ATOSA: variants seen among roughly 807,000 people sequenced by gnomAD.
ATOSA encodes atos homolog protein A.
At chr15:52,646,021 T>C in the ATOSA span, among the ~76,000 whole-genome samples, 1 of 152,240 alleles carries the variant, frequency 6.6e-6, no homozygotes, top group Non-Finnish European at 1.5e-5. Flanking sequence ...AAAATTATCC[T>C]TAAACTTAAC....
At chr15:52,650,842 C>A in the ATOSA span, among the ~76,000 whole-genome samples, 7 of 152,118 alleles carry the variant, frequency 4.6e-5, no homozygotes, top group Non-Finnish European at 8.8e-5. Flanking sequence ...ACGGATCCTT[C>A]GTAAAATGGG....
chr15:52,704,675 C>A, the ATOSA span, among the ~76,000 whole-genome samples: 1,704 of 152,164 alleles, frequency 0.011, 14 homozygotes, highest in Non-Finnish European at 0.017. Context: ...AAACAAAAAA[C>A]CCCATCAAAA....
At chr15:52,696,748 T>A in the ATOSA span, among the ~76,000 whole-genome samples, 1 of 152,122 alleles carries the variant, frequency 6.6e-6, no homozygotes, top group Admixed American at 6.5e-5. Context: ...TAGATTTTTT[T>A]AAATGTGCTA....
the ATOSA span, among the ~76,000 whole-genome samples, chr15:52,704,481 G>A: frequency 6.6e-6 from 1 of 152,226 alleles, no homozygotes; most frequent in East Asian, 1.9e-4. Context: ...AAAAGCAATG[G>A]CAACAAAACC....
chr15:52,706,985 C>CT, the ATOSA span, among the ~76,000 whole-genome samples: 1 of 152,154 alleles, frequency 6.6e-6, no homozygotes, highest in Non-Finnish European at 1.5e-5. Context: ...CTATACAACT[C>CT]TGACTATACT....
At chr15:52,604,808 C>G in the ATOSA span, among the ~76,000 whole-genome samples, 2 of 152,100 alleles carry the variant, frequency 1.3e-5, no homozygotes, top group Non-Finnish European at 2.9e-5. Flanking sequence ...ATAGTTTTAA[C>G]TTGCAGATGA....
the ATOSA span, chr15:52,587,497 C>T: frequency 4.3e-6 from 1 of 232,064 alleles, no homozygotes; most frequent in Non-Finnish European, 8.3e-6. Flanking sequence ...AAGTTCCTAA[C>T]TAAAAAGGAA....
chr15:52,597,392 G>A, the ATOSA span, among the ~76,000 whole-genome samples: 2 of 152,038 alleles, frequency 1.3e-5, no homozygotes, highest in Non-Finnish European at 2.9e-5. Flanking sequence ...CTAAAATCAG[G>A]TGAATGAATA....
chr15:52,609,368 C>T, the ATOSA span: 1 of 1,613,914 alleles, frequency 6.2e-7, no homozygotes, highest in South Asian at 1.1e-5. Flanking sequence ...TTAGATGCAA[C>T]CGAACTGGAG....
chr15:52,665,352 C>T, the ATOSA span, among the ~76,000 whole-genome samples: 1 of 152,296 alleles, frequency 6.6e-6, no homozygotes, highest in Non-Finnish European at 1.5e-5. Context: ...AAGATGTCTA[C>T]TATTTGTACG....
the ATOSA span, among the ~76,000 whole-genome samples, chr15:52,635,715 C>T: frequency 4.6e-5 from 7 of 151,474 alleles, no homozygotes; most frequent in Admixed American, 2.0e-4. Flanking sequence ...AAATCAAAAT[C>T]GGCCAGGCAC....
At chr15:52,582,218 G>A in the ATOSA span, 1 of 1,603,404 alleles carries the variant, frequency 6.2e-7, no homozygotes, top group African/African-American at 1.3e-5. Flanking sequence ...TTCATATGCA[G>A]CACCGCTATC....
chr15:52,588,984 A>T, the ATOSA span, among the ~76,000 whole-genome samples: 1 of 152,372 alleles, frequency 6.6e-6, no homozygotes, highest in East Asian at 1.9e-4. Context: ...AGTAAAAAGG[A>T]GTGGATAAAG....
the ATOSA span, among the ~76,000 whole-genome samples, chr15:52,600,866 C>G: frequency 7.0e-6 from 1 of 143,210 alleles, no homozygotes; most frequent in African/African-American, 2.7e-5. Flanking sequence ...CCACTTAAAA[C>G]CAATGTAAGA....
chr15:52,628,291 GAAC>G, the ATOSA span, among the ~76,000 whole-genome samples: 4 of 152,032 alleles, frequency 2.6e-5, no homozygotes, highest in Non-Finnish European at 5.9e-5. Flanking sequence ...GAGCTTCTTG[GAAC>G]AACAAATCTA....
At chr15:52,698,563 A>G in the ATOSA span, among the ~76,000 whole-genome samples, 1 of 152,238 alleles carries the variant, frequency 6.6e-6, no homozygotes. Flanking sequence ...ATCAGCTCCA[A>G]CAAGTTGGAG....
chr15:52,691,530 A>G, the ATOSA span, among the ~76,000 whole-genome samples: 1 of 152,252 alleles, frequency 6.6e-6, no homozygotes, highest in Non-Finnish European at 1.5e-5. Context: ...ACTATTAAAC[A>G]GAACCAAGAA....
At chr15:52,681,272 T>C in the ATOSA span, among the ~76,000 whole-genome samples, 1 of 152,334 alleles carries the variant, frequency 6.6e-6, no homozygotes, top group East Asian at 1.9e-4. Context: ...ATTATTCAAA[T>C]TGTTTCATTC....
chr15:52,681,173 T>C, the ATOSA span, among the ~76,000 whole-genome samples: 1 of 152,228 alleles, frequency 6.6e-6, no homozygotes, highest in Non-Finnish European at 1.5e-5. Context: ...TAACCTGAAG[T>C]TTTTTTAAAT....
Sources: gnomAD v4.1 joint callset for allele counts (sites outside exome capture counted in the v4.1 genomes callset) on GRCh38, gnomAD v4.1.1 for gene constraint, MANE v1.5 for transcripts, NCBI Gene and HGNC (gene_info 2026-07-23, HGNC 2026-07-21) for gene names.